The following C21orf58 variants were observed in gnomAD, a reference collection of about 807,000 sequenced individuals.
C21orf58 encodes the protein uncharacterized protein C21orf58.
Under a neutral mutation model 35.8 loss-of-function variants are expected in C21orf58, and 34 were observed. The ratio of observed to expected loss-of-function variants is 0.95; its 90% CI spans 0.72 to 1.26. C21orf58 has a LOEUF of 1.26. C21orf58 is among the 50% of genes most tolerant of loss of function. C21orf58 has a pLI of 0.00. For synonymous variants in C21orf58, 191 were observed against 175.8 expected (o/e 1.09, Z -0.68); for missense variants, 440 against 414.3 (o/e 1.06, Z -0.54).
chr21:46,312,454 G>A (rs938853601), intron 5 of C21orf58, among the ~76,000 whole-genome samples: 1 of 152,162 alleles, frequency 6.6e-6, no homozygotes, highest in Non-Finnish European at 1.5e-5. Context: ...GAGTAGCTGG[G>A]ATTACAGGCG....
intron 6 of C21orf58, among the ~76,000 whole-genome samples, chr21:46,309,844 A>C (rs976998124): frequency 6.6e-6 from 1 of 151,844 alleles, no homozygotes. Flanking sequence ...AAAATACAAA[A>C]AATTAGCAGG....
intron 5 of C21orf58, among the ~76,000 whole-genome samples, chr21:46,312,041 A>G (rs1417250708): frequency 7.5e-6 from 1 of 133,982 alleles, no homozygotes. Context: ...CCACCTACCC[A>G]ACCAACCAAC....
intron 1 of C21orf58, among the ~76,000 whole-genome samples, chr21:46,319,434 T>A (rs950550679): frequency 2.0e-5 from 3 of 152,192 alleles, no homozygotes; most frequent in African/African-American, 7.2e-5. Context: ...TCCTCGCTGG[T>A]GCTGCTGGAC....
chr21:46,308,776 T>C (rs77405604), intron 6 of C21orf58, among the ~76,000 whole-genome samples: 6,588 of 152,220 alleles, frequency 0.043, 212 homozygotes, highest in Non-Finnish European at 0.066. Flanking sequence ...AATGGATTAA[T>C]GCATACATGA....
chr21:46,301,670 A>T lies in C21orf58; in HGVS notation c.*329T>A. The T allele has an allele frequency of 1.8e-6, 2 of 1,126,406 alleles. No homozygotes were observed. Among genetic ancestry groups the T allele is most frequent in the Non-Finnish European group, 2.2e-6 (2 of 920,608 alleles). 69.8% of individuals were successfully genotyped at this position (1,126,406 alleles called of 1,614,324 possible). A position where few individuals can be genotyped will look rare whatever the true frequency, so the allele number is the denominator to read the frequency against. ...CCACGGCCTCAACTTTACCTCCGTGATGGAAGAGGGGGATCTGAGGCTCCC... is the reference window on the plus strand; with the variant it reads ...CCACGGCCTCAACTTTACCTCCGTGTTGGAAGAGGGGGATCTGAGGCTCCC... On this transcript the variant is annotated 3_prime_UTR_variant, in exon 8 of 8. Transcript: ENST00000291691.
At chr21:46,320,442 G>A (rs1205377199) in intron 1 of C21orf58, among the ~76,000 whole-genome samples, 4 of 148,358 alleles carry the variant, frequency 2.7e-5, no homozygotes, top group Non-Finnish European at 4.4e-5. Flanking sequence ...CAGGCAGGCG[G>A]AAGTTGCAGT....
At chr21:46,310,188 C>G (rs2082613250) in intron 6 of C21orf58, among the ~76,000 whole-genome samples, 1 of 151,904 alleles carries the variant, frequency 6.6e-6, no homozygotes, top group Admixed American at 6.6e-5. Context: ...TATGTTAAAA[C>G]TTGTCAAGCC....
At position 46,301,650 on chromosome 21, in the gene C21orf58, G is replaced by A. The variant is rs1569111587; in HGVS notation, c.*349C>T. On this transcript the variant is annotated 3_prime_UTR_variant, in exon 8 of 8. Transcript: ENST00000291691. Reference sequence around the variant, plus strand: ...TTTCATCAGGCTGGTGGCGTCCACGGCCTCAACTTTACCTCCGTGATGGAA... The same window carrying A: ...TTTCATCAGGCTGGTGGCGTCCACGACCTCAACTTTACCTCCGTGATGGAA... The A allele has an allele frequency of 1.8e-6, 2 of 1,099,020 alleles. No homozygotes were observed. The highest frequency in any genetic ancestry group is 2.2e-6 in the Non-Finnish European group (2 of 903,170). The allele number at this position is 1,099,020 out of a possible 1,614,324, so 68.1% of individuals were successfully genotyped here. A position where few individuals can be genotyped will look rare whatever the true frequency, so the allele number is the denominator to read the frequency against.
At position 46,318,210 on chromosome 21, in the gene C21orf58, T is replaced by TG; in HGVS notation, c.110dup (p.Gly38ArgfsTer3). 1 of 1,612,320 alleles carries TG rather than the reference T, an allele frequency of 6.2e-7. No homozygotes were observed. The highest frequency in any genetic ancestry group is 8.5e-7 in the Non-Finnish European group (1 of 1,179,972). ...TGCCTGCAGGGCGGGCCTTACCTCC[T>TG]GGAGACCAGCCTGAGGGAAGAGAAG... On this transcript the variant is annotated frameshift_variant, in exon 2 of 8. Transcript: ENST00000291691. LOFTEE classifies it high-confidence loss of function.
At chr21:46,303,752 T>TA (rs1569116937) in intron 6 of C21orf58, among the ~76,000 whole-genome samples, 1 of 27,666 alleles carries the variant, frequency 3.6e-5, no homozygotes, top group Non-Finnish European at 8.0e-5. Flanking sequence ...TATATTTTTT[T>TA]TTTTTTTTTT....
rs993498902 is a variant in C21orf58 at position 46,323,086 on chromosome 21, G to C, written c.-348C>G. The C allele has an allele frequency of 6.0e-6, 1 of 167,032 alleles. No homozygotes were observed. Among genetic ancestry groups the C allele is most frequent in the Non-Finnish European group, 1.3e-5 (1 of 78,156 alleles). The allele number at this position is 167,032 out of a possible 1,614,324, so 10.3% of individuals were successfully genotyped here. A position where few individuals can be genotyped will look rare whatever the true frequency, so the allele number is the denominator to read the frequency against. On this transcript the variant is annotated 5_prime_UTR_variant, in exon 1 of 8. Coordinates refer to ENST00000291691, the MANE Select transcript of C21orf58 (RefSeq NM_058180.5). ...CGGCCTGCGCGAGGTCACCGGCCCT[G>C]TCTTGGTTTTTTGCCACTTCGCTCC...
At chr21:46,304,837 G>A (rs1201807501) in intron 6 of C21orf58, among the ~76,000 whole-genome samples, 1 of 152,234 alleles carries the variant, frequency 6.6e-6, no homozygotes, top group African/African-American at 2.4e-5. Flanking sequence ...TCAGTAGATA[G>A]ATAAATGGAG....
chr21:46,317,834 C>T (rs146200656), intron 2 of C21orf58, among the ~76,000 whole-genome samples, 178 bp downstream of exon 2: 2 of 152,354 alleles, frequency 1.3e-5, no homozygotes, highest in African/African-American at 4.8e-5. Context: ...GGTCATGGGC[C>T]ACCCAGACCC....
chr21:46,300,900 G>C, downstream of C21orf58: 3 of 953,866 alleles, frequency 3.1e-6, no homozygotes, highest in Non-Finnish European at 4.2e-6. Flanking sequence ...GTAACAAAAA[G>C]TAAAGAAAAG....
At chr21:46,311,159 C>A (rs542985261) in intron 6 of C21orf58, among the ~76,000 whole-genome samples, 2 of 152,068 alleles carry the variant, frequency 1.3e-5, no homozygotes, top group Non-Finnish European at 2.9e-5. Context: ...CGTGAGCCAC[C>A]GAGCCGGGCC....
At chr21:46,316,916 C>G (rs532075672) in intron 3 of C21orf58, among the ~76,000 whole-genome samples, 1 of 152,330 alleles carries the variant, frequency 6.6e-6, no homozygotes, top group Admixed American at 6.5e-5. Context: ...TGGGTCTGAT[C>G]TGGGTGCGAC....
chr21:46,300,811 G>GA, downstream of C21orf58: 4 of 1,282,396 alleles, frequency 3.1e-6, no homozygotes, highest in Non-Finnish European at 4.1e-6. Flanking sequence ...GGGGGTGAAT[G>GA]AAAGTTTATG....
chr21:46,318,219 G>T lies in C21orf58; in HGVS notation c.102C>A (p.Gly34=), dbSNP rs775234353. Reference sequence around the variant, plus strand: ...GGCGGGCCTTACCTCCTGGAGACCAGCCTGAGGGAAGAGAAGAGCCCTGTG... The same window carrying T: ...GGCGGGCCTTACCTCCTGGAGACCATCCTGAGGGAAGAGAAGAGCCCTGTG... ...SPDSGHSLLC[G]WSPGGKARPA... Residue 34 remains glycine, a splice_region_variant and synonymous_variant, in exon 2 of 8, where the codon GGC becomes GGA. Coordinates refer to ENST00000291691, the MANE Select transcript of C21orf58 (RefSeq NM_058180.5). The T allele has an allele frequency of 1.3e-5, 21 of 1,611,888 alleles. No individual in the cohort carries two copies. Among genetic ancestry groups the T allele is most frequent in the Non-Finnish European group, 9.3e-6 (11 of 1,179,950 alleles).
At chr21:46,311,998 TCCACCCAC>T (rs2082742288) in intron 5 of C21orf58, among the ~76,000 whole-genome samples, 1 of 40,604 alleles carries the variant, frequency 2.5e-5, no homozygotes, top group Non-Finnish European at 4.4e-5. Context: ...CATCCACCCA[TCCACCCAC>T]CCATCCATCC....
Sources: gnomAD v4.1 joint callset for allele counts (sites outside exome capture counted in the v4.1 genomes callset) on GRCh38, gnomAD v4.1.1 for gene constraint, MANE v1.5 for transcripts, NCBI Gene and HGNC (gene_info 2026-07-23, HGNC 2026-07-21) for gene names.